IGSF10: variants seen among roughly 807,000 people sequenced by gnomAD.
The protein encoded by IGSF10 is calvaria mechanical force protein 608.
IGSF10 carries 126 observed loss-of-function variants against 128.2 expected under a neutral mutation model. The ratio of observed to expected loss-of-function variants is 0.98; its 90% CI spans 0.85 to 1.14. IGSF10 has a LOEUF of 1.14. Ranked by LOEUF, IGSF10 falls within the 50% of genes most tolerant of loss-of-function variation. The probability of loss-of-function intolerance (pLI) is 0.00; values close to 1 mark genes in which losing one functional copy is unlikely to be tolerated. For synonymous variants in IGSF10, 1,185 were observed against 1,146.2 expected (o/e 1.03, Z -0.68); for missense variants, 3,295 against 3,149.8 (o/e 1.05, Z -1.10).
the IGSF10 span, among the ~76,000 whole-genome samples, chr3:151,547,429 T>TAC: frequency 0.012 from 1,748 of 146,926 alleles, 21 homozygotes; most frequent in African/African-American, 0.032. Context: ...AATATATATA[T>TAC]ACACACACAC....
At chr3:151,492,605 C>G in the IGSF10 span, among the ~76,000 whole-genome samples, 2 of 152,200 alleles carry the variant, frequency 1.3e-5, no homozygotes, top group African/African-American at 4.8e-5. Flanking sequence ...GTAATACCAG[C>G]TACTTGGGAG....
chr3:151,511,016 T>C, the IGSF10 span, among the ~76,000 whole-genome samples: 4 of 152,156 alleles, frequency 2.6e-5, no homozygotes, highest in Non-Finnish European at 4.4e-5. Context: ...ATGCGGAGAA[T>C]GGAACCCAGT....
chr3:151,476,535 A>T, the IGSF10 span, among the ~76,000 whole-genome samples: 1 of 152,112 alleles, frequency 6.6e-6, no homozygotes, highest in South Asian at 2.1e-4. Flanking sequence ...CAGAGGAGGT[A>T]TCTTCCGGCC....
the IGSF10 span, among the ~76,000 whole-genome samples, chr3:151,496,716 A>G: frequency 1.1e-4 from 17 of 151,964 alleles, no homozygotes; most frequent in East Asian, 2.9e-3. Context: ...GCTGGGTCAA[A>G]TGGTATTTCT....
At chr3:151,546,589 T>C in the IGSF10 span, among the ~76,000 whole-genome samples, 1 of 151,564 alleles carries the variant, frequency 6.6e-6, no homozygotes, top group African/African-American at 2.4e-5. Context: ...ACTCCTGAGC[T>C]CAAATCCCTC....
chr3:151,497,699 T>TC, the IGSF10 span, among the ~76,000 whole-genome samples: 89 of 152,306 alleles, frequency 5.8e-4, no homozygotes, highest in African/African-American at 2.1e-3. Flanking sequence ...GCAGTTTTTT[T>TC]CCAATTTTTT....
In IGSF10 at chr3:151,457,103, G is replaced by C; in HGVS notation, c.247C>G (p.Leu83Val). Reference sequence around the variant, plus strand: ...TTGCTGTGAAGCATGAGTAACTCCAGTTTGGTCAGGCCAGAAAAATCTGTT... The same window carrying C: ...TTGCTGTGAAGCATGAGTAACTCCACTTTGGTCAGGCCAGAAAAATCTGTT... ...METDFSGLTKLELLMLHSNGI... is the reference protein window; with the variant it reads ...METDFSGLTKVELLMLHSNGI... The change falls in exon 4 of 8, where the codon CTG becomes GTG. Residue 83 changes from leucine (L) to valine (V), a missense_variant. Leu to Val is a conservative substitution (Grantham distance 32, BLOSUM62 1). Coordinates refer to ENST00000282466, the MANE Select transcript of IGSF10 (RefSeq NM_178822.5). 1 of 1,614,076 alleles carries C rather than the reference G, an allele frequency of 6.2e-7. No homozygotes were observed. The highest frequency in any genetic ancestry group is 8.5e-7 in the Non-Finnish European group (1 of 1,179,924).
chr3:151,491,192 G>T, the IGSF10 span, among the ~76,000 whole-genome samples: 2 of 152,056 alleles, frequency 1.3e-5, no homozygotes, highest in Non-Finnish European at 2.9e-5. Flanking sequence ...AAAATAAAAA[G>T]CATCATAAGG....
At position 151,436,927 on chromosome 3, in the gene IGSF10, G is replaced by A. The variant is rs1387780337; in HGVS notation, c.7634C>T (p.Ala2545Val). The A allele has an allele frequency of 6.2e-7, 1 of 1,614,036 alleles. No individual in the cohort carries two copies. Among genetic ancestry groups the A allele is most frequent in the Non-Finnish European group, 8.5e-7 (1 of 1,180,014 alleles). Reference sequence around the variant, plus strand: ...CAAGGCCACACAGTGGAGCTGAAAGGCTGCCCCTGTCCTGGTGACAATACT... The same window carrying A: ...CAAGGCCACACAGTGGAGCTGAAAGACTGCCCCTGTCCTGGTGACAATACT... ...PRSIVTRTGA[A>V]FQLHCVALGV... Residue 2545 changes from alanine (A) to valine (V), a missense_variant, in exon 8 of 8, where the codon GCC becomes GTC. Ala to Val is a moderately conservative substitution (Grantham distance 64). Coordinates refer to ENST00000282466, the MANE Select transcript of IGSF10 (RefSeq NM_178822.5).
Position 151,437,746 on chromosome 3 carries a change from A to C in IGSF10, c.6815T>G (p.Met2272Arg), listed in dbSNP as rs1720483453. 9.3e-6 allele frequency: 15 copies of C among 1,613,888 alleles called. No individual in the cohort carries two copies. Among genetic ancestry groups the C allele is most frequent in the Non-Finnish European group, 1.2e-5 (14 of 1,179,990 alleles). The change falls in exon 8 of 8, where the codon ATG (methionine) becomes AGG (arginine). Residue 2272 changes from methionine (M) to arginine (R), a missense_variant. Transcript: ENST00000282466. ...RAEGTPSPEV[M>R]WIMPDNIFLT... ...GAAAATATTGTCTGGCATGATCCAC[A>C]TGACTTCAGGAGATGGTGTCCCTTC...
At chr3:151,540,148 T>G in the IGSF10 span, among the ~76,000 whole-genome samples, 6 of 152,168 alleles carry the variant, frequency 3.9e-5, no homozygotes, top group African/African-American at 1.4e-4. Flanking sequence ...TAATTTAAAT[T>G]TTTTAATAGA....
the IGSF10 span, among the ~76,000 whole-genome samples, chr3:151,500,723 T>C: frequency 3.9e-5 from 6 of 152,136 alleles, no homozygotes; most frequent in East Asian, 1.2e-3. Context: ...CCGATATTAC[T>C]TGTCCATCAC....
chr3:151,523,653 T>C, the IGSF10 span, among the ~76,000 whole-genome samples: 5 of 152,140 alleles, frequency 3.3e-5, no homozygotes, highest in African/African-American at 1.2e-4. Flanking sequence ...TTACACCATA[T>C]ACAAAAATCA....
chr3:151,591,368 T>C, the IGSF10 span, among the ~76,000 whole-genome samples: 1 of 147,818 alleles, frequency 6.8e-6, no homozygotes, highest in Non-Finnish European at 1.5e-5. Flanking sequence ...TATTTGATGA[T>C]TATAATTATT....
chr3:151,536,741 G>A, the IGSF10 span, among the ~76,000 whole-genome samples: 2 of 152,104 alleles, frequency 1.3e-5, no homozygotes, highest in Non-Finnish European at 2.9e-5. Context: ...TCCCCTTAAA[G>A]TTCATTTTGT....
rs769327586 is a variant in IGSF10 at position 151,447,373 on chromosome 3, T to C, written c.2608A>G (p.Met870Val). The C allele has an allele frequency of 1.2e-6, 2 of 1,614,098 alleles. No individual in the cohort carries two copies. The highest frequency in any genetic ancestry group is 1.1e-5 in the South Asian group (1 of 91,090). Reference protein sequence around the residue: ...KLSTAIKTTAMSKNINPTMSS... With the variant: ...KLSTAIKTTAVSKNINPTMSS... ...ATGGTTGGGTTTATATTCTTTGACATGGCTGTAGTTTTAATAGCAGTAGAC... is the reference window on the plus strand; with the variant it reads ...ATGGTTGGGTTTATATTCTTTGACACGGCTGTAGTTTTAATAGCAGTAGAC... The change falls in exon 6 of 8, where the codon ATG (methionine) becomes GTG (valine). Residue 870 changes from methionine to valine, a missense_variant. By Grantham distance (21) the Met-to-Val change is conservative. Coordinates refer to ENST00000282466, the MANE Select transcript of IGSF10 (RefSeq NM_178822.5).
At chr3:151,516,772 TTTTTC>T in the IGSF10 span, among the ~76,000 whole-genome samples, 3 of 152,092 alleles carry the variant, frequency 2.0e-5, no homozygotes, top group Non-Finnish European at 4.4e-5. Flanking sequence ...TTGGCTAAAG[TTTTTC>T]TTTTAACAGT....
the IGSF10 span, among the ~76,000 whole-genome samples, chr3:151,542,840 C>G: frequency 2.0e-5 from 3 of 152,280 alleles, no homozygotes; most frequent in Non-Finnish European, 4.4e-5. Flanking sequence ...GTTAAAATCA[C>G]ATGTTTTTAT....
chr3:151,525,490 T>C, the IGSF10 span, among the ~76,000 whole-genome samples: 1 of 145,184 alleles, frequency 6.9e-6, no homozygotes, highest in Non-Finnish European at 1.5e-5. Flanking sequence ...TTATCTCACA[T>C]TTCCTGTGGG....
Sources: gnomAD v4.1 joint callset for allele counts (sites outside exome capture counted in the v4.1 genomes callset) on GRCh38, gnomAD v4.1.1 for gene constraint, MANE v1.5 for transcripts, NCBI Gene and HGNC (gene_info 2026-07-23, HGNC 2026-07-21) for gene names.